The following CDK19 variants were observed in gnomAD, a reference collection of about 807,000 sequenced individuals.
CDK19 encodes the protein cyclin dependent kinase 19, also known as cyclin-dependent kinase 19.
A neutral mutation model predicts 68.3 loss-of-function variants in CDK19; 20 were observed. That is an observed-to-expected ratio of 0.29 (90% CI 0.21 to 0.43). CDK19 has a LOEUF of 0.43. Among genes scored for constraint, CDK19 ranks in the 20% least tolerant of loss-of-function variants. CDK19 has a pLI of 1.00. For synonymous variants in CDK19, 221 were observed against 222.8 expected (o/e 0.99, Z 0.07); for missense variants, 339 against 623.5 (o/e 0.54, Z 4.86).
intron 2 of CDK19, chr6:110,700,555 C>T (rs1260885115): frequency 6.6e-6 from 1 of 152,198 alleles, no homozygotes; most frequent in Non-Finnish European, 1.5e-5. Context: ...GAAGCTGTGC[C>T]ACATCCATGG....
At chr6:110,804,570 C>T (rs1279218191) in intron 1 of CDK19, among the ~76,000 whole-genome samples, 18 of 151,050 alleles carry the variant, frequency 1.2e-4, no homozygotes, top group South Asian at 2.1e-4. Flanking sequence ...AGGCTGGTCT[C>T]GAACTGACCT....
chr6:110,705,995 A>C (rs1003326885), intron 2 of CDK19, among the ~76,000 whole-genome samples: 2 of 152,136 alleles, frequency 1.3e-5, no homozygotes, highest in African/African-American at 4.8e-5. Context: ...TTAAAGTATA[A>C]TAAAAAATAA....
At chr6:110,680,833 C>T (rs1771949210) in intron 2 of CDK19, among the ~76,000 whole-genome samples, 1 of 151,910 alleles carries the variant, frequency 6.6e-6, no homozygotes, top group Non-Finnish European at 1.5e-5. Flanking sequence ...CCCGTCCCTA[C>T]TAAAAATACA....
chr6:110,674,524 A>G (rs1046592095), intron 2 of CDK19, among the ~76,000 whole-genome samples: 1 of 151,868 alleles, frequency 6.6e-6, no homozygotes, highest in Admixed American at 6.5e-5. Flanking sequence ...ACACACAAAG[A>G]TAAGAAAGCA....
intron 1 of CDK19, among the ~76,000 whole-genome samples, chr6:110,804,349 TTTTTTA>T (rs1283795873): frequency 2.0e-5 from 3 of 151,996 alleles, no homozygotes; most frequent in East Asian, 3.9e-4. Context: ...TTCTTTTTTC[TTTTTTA>T]TTTTTGAGAT....
In CDK19 at chr6:110,797,589, AAAAC is replaced by A. The variant is rs1181262404; in HGVS notation, c.128+17416_128+17419del. ...AGAAAAAAGGAAGAAAGCAGCAATG[AAAAC>A]AAACAAAGACATTCTTCCCACTTCT... On this transcript the variant is annotated intron_variant, in intron 1 of 12. Coordinates refer to ENST00000368911, the MANE Select transcript of CDK19 (RefSeq NM_015076.5). Among the ~76,000 whole-genome samples, 13 of 152,370 alleles carry A rather than the reference AAAAC, an allele frequency of 8.5e-5. No homozygotes were observed. In the East Asian group the frequency reaches 1.3e-3, roughly 16 times the overall value.
chr6:110,744,521 G>C (rs1777935070), intron 2 of CDK19, among the ~76,000 whole-genome samples: 1 of 152,030 alleles, frequency 6.6e-6, no homozygotes, highest in South Asian at 2.1e-4. Context: ...GGCAGAGCAA[G>C]ACCTTGTCTC....
chr6:110,620,693 T>C (rs1255349017), intron 12 of CDK19, among the ~76,000 whole-genome samples: 2 of 152,212 alleles, frequency 1.3e-5, no homozygotes, highest in Admixed American at 6.5e-5. Flanking sequence ...TCTTTATCTA[T>C]GTAGCTACTT....
chr6:110,642,790 G>T (rs961007066), intron 4 of CDK19, among the ~76,000 whole-genome samples: 1 of 151,884 alleles, frequency 6.6e-6, no homozygotes, highest in Non-Finnish European at 1.5e-5. Flanking sequence ...TGATAGGAGG[G>T]GAGGGGAGGG....
intron 1 of CDK19, chr6:110,813,911 T>C (rs912779459): frequency 1.3e-5 from 2 of 152,234 alleles, no homozygotes; most frequent in Admixed American, 1.3e-4. Flanking sequence ...TTGACTCTCT[T>C]TAAAGTCTAT....
chr6:110,727,090 CAG>C (rs1426109183), intron 2 of CDK19, among the ~76,000 whole-genome samples: 1 of 152,026 alleles, frequency 6.6e-6, no homozygotes, highest in African/African-American at 2.4e-5. Flanking sequence ...GTAGGAAAGA[CAG>C]AGACATAAGA....
intron 3 of CDK19, among the ~76,000 whole-genome samples, chr6:110,669,208 A>G (rs376218354): frequency 4.6e-4 from 70 of 152,380 alleles, no homozygotes; most frequent in Middle Eastern, 3.4e-3. Flanking sequence ...ATTCTTGTCC[A>G]TATCTGCTAT....
chr6:110,696,845 G>A (rs559834890), intron 2 of CDK19, among the ~76,000 whole-genome samples: 1 of 152,230 alleles, frequency 6.6e-6, no homozygotes, highest in Admixed American at 6.5e-5. Flanking sequence ...GATCACTTGA[G>A]GCCGGGAGTT....
rs1213598587 is a variant in CDK19 at position 110,613,814 on chromosome 6, T to A, written c.*721A>T. On this transcript the variant is annotated 3_prime_UTR_variant, in exon 13 of 13. Transcript: ENST00000368911. The stretch of plus-strand genomic sequence containing the variant: ...TTACTGAATGCTATTCAGAATAAGA[T>A]GATGCTGGGAACTCAGTTCCATATG... 2 of 152,610 alleles carry A rather than the reference T, an allele frequency of 1.3e-5. No individual in the cohort carries two copies. Among genetic ancestry groups the A allele is most frequent in the African/African-American group, 4.8e-5 (2 of 41,438 alleles). 9.5% of individuals were successfully genotyped at this position (152,610 alleles called of 1,614,324 possible).
At chr6:110,680,088 G>C (rs1016297672) in intron 2 of CDK19, among the ~76,000 whole-genome samples, 26 of 152,114 alleles carry the variant, frequency 1.7e-4, no homozygotes, top group African/African-American at 6.3e-4. Context: ...AAATTGAATA[G>C]ACAATATCTA....
intron 4 of CDK19, chr6:110,645,851 C>T (rs1290223326): frequency 3.1e-6 from 2 of 642,884 alleles, no homozygotes; most frequent in South Asian, 1.7e-5. Context: ...TCCTCCTGAC[C>T]TTCGATTTCG....
rs779334144 is a variant in CDK19, at chr6:110,627,135, T to C, written c.657A>G (p.Ala219=). 2 of 1,607,552 alleles carry C rather than the reference T, an allele frequency of 1.2e-6. No homozygotes were observed. Among genetic ancestry groups the C allele is most frequent in the South Asian group, 1.1e-5 (1 of 89,992 alleles). The change falls in exon 7 of 13, where the codon GCA becomes GCG. Residue 219 remains alanine, a synonymous_variant. Coordinates refer to ENST00000368911, the MANE Select transcript of CDK19 (RefSeq NM_015076.5). The part of the protein sequence containing the change: ...RHYTKAIDIW[A]IGCIFAELLT... ...ACAATTCAGCAAATATACAACCTAT[T>C]GCCCATATATCTGGGAAGGAAGAAA...
intron 1 of CDK19, among the ~76,000 whole-genome samples, chr6:110,750,284 G>A (rs1329572435): frequency 8.9e-6 from 1 of 112,528 alleles, no homozygotes; most frequent in Non-Finnish European, 2.0e-5. Flanking sequence ...TGTTAGCTCT[G>A]AAAGGGATCT....
At chr6:110,755,587 G>A (rs115595434) in intron 1 of CDK19, among the ~76,000 whole-genome samples, 3,112 of 152,158 alleles carry the variant, frequency 0.02, 90 homozygotes, top group African/African-American at 0.072. Flanking sequence ...CACCAGAAAC[G>A]TGTGGACAAA....
Sources: allele counts gnomAD v4.1 joint callset (sites outside exome capture counted in the v4.1 genomes callset), GRCh38; gene constraint gnomAD v4.1.1; transcripts MANE v1.5; gene names NCBI Gene and HGNC (gene_info 2026-07-23, HGNC 2026-07-21).